GALNT2: variants seen among roughly 807,000 people sequenced by gnomAD.
The protein encoded by GALNT2 is UDP-GalNAc:polypeptide N-acetylgalactosaminyltransferase 2.
In GALNT2, 31 loss-of-function variants were observed where a neutral mutation model predicts 81.4. The observed-to-expected ratio is 0.38, with a 90% confidence interval of 0.29 to 0.51. GALNT2 has a LOEUF of 0.51. Ranked by LOEUF, GALNT2 falls within the 20% of genes least tolerant of loss-of-function variation. The pLI is 0.87. For synonymous variants in GALNT2, 303 were observed against 287.4 expected (o/e 1.05, Z -0.55); for missense variants, 629 against 765.7 (o/e 0.82, Z 2.11).
intron 2 of GALNT2, among the ~76,000 whole-genome samples, chr1:230,182,672 T>G (rs2102689293): frequency 6.6e-6 from 1 of 152,344 alleles, no homozygotes; most frequent in South Asian, 2.1e-4. Flanking sequence ...TTGGTGAATG[T>G]TCCATGTGAG....
intron 10 of GALNT2, 26 bp downstream of exon 10, chr1:230,250,586 A>G: frequency 6.4e-7 from 1 of 1,559,138 alleles, no homozygotes; most frequent in Non-Finnish European, 8.8e-7. Context: ...AAATCTCAGG[A>G]CAGAGAAGTG....
intron 1 of GALNT2, among the ~76,000 whole-genome samples, chr1:230,077,583 A>G (rs911093265): frequency 1.3e-5 from 2 of 152,186 alleles, no homozygotes; most frequent in Admixed American, 6.5e-5. Flanking sequence ...TCGGGCATAG[A>G]TAGATACAAA....
At chr1:230,213,346 T>C (rs1358167522) in intron 3 of GALNT2, among the ~76,000 whole-genome samples, 8 of 152,368 alleles carry the variant, frequency 5.3e-5, no homozygotes, top group Middle Eastern at 6.8e-3. Flanking sequence ...TTTGTGAGTT[T>C]CTGTTATTTT....
chr1:230,136,185 A>T (rs1226226922), intron 1 of GALNT2, among the ~76,000 whole-genome samples: 1 of 152,132 alleles, frequency 6.6e-6, no homozygotes, highest in African/African-American at 2.4e-5. Flanking sequence ...GACAGAGCAG[A>T]GGAAATTTAG....
chr1:230,091,330 T>A (rs1266267719), intron 1 of GALNT2, among the ~76,000 whole-genome samples: 2 of 152,020 alleles, frequency 1.3e-5, no homozygotes, highest in South Asian at 2.1e-4. Flanking sequence ...CACCTTGGCC[T>A]CCCAAAGTGC....
At chr1:230,227,508 C>CAGCTATATATATATATGCTATATAATAT (rs1664750074) in intron 3 of GALNT2, among the ~76,000 whole-genome samples, 1 of 147,666 alleles carries the variant, frequency 6.8e-6, no homozygotes, top group Non-Finnish European at 1.5e-5. Context: ...CTATATAATA[C>CAGCTATATATATATATGCTATATAATAT]AGCTATATAT....
chr1:230,219,394 G>A (rs765583798), intron 3 of GALNT2, among the ~76,000 whole-genome samples: 3 of 152,068 alleles, frequency 2.0e-5, no homozygotes, highest in Middle Eastern at 3.4e-3. Context: ...GTACTGGCGC[G>A]TGGGACCATG....
intron 3 of GALNT2, among the ~76,000 whole-genome samples, chr1:230,213,632 G>C (rs988816861): frequency 3.3e-5 from 5 of 152,156 alleles, no homozygotes; most frequent in Admixed American, 2.6e-4. Flanking sequence ...TTTAATGTAA[G>C]TACTAGTTTA....
chr1:230,231,255 T>G (rs527527498), intron 3 of GALNT2, among the ~76,000 whole-genome samples: 22 of 152,234 alleles, frequency 1.4e-4, no homozygotes, highest in Non-Finnish European at 2.6e-4. Context: ...AGAGTCCTTT[T>G]TCACACGTTT....
In GALNT2 at chr1:230,106,706, T is replaced by G. The variant is rs541280404; in HGVS notation, c.126+39300T>G. Among the ~76,000 whole-genome samples the G allele has an allele frequency of 1.2e-4, 19 of 152,344 alleles. No individual in the cohort carries two copies. In the South Asian group the frequency reaches 3.7e-3, roughly 30 times the overall value. ...ATTAGCCCTAAGCAGCTACACTTGC[T>G]AAGCTCTGTGCTAAGGCTGCAGTAA... is the stretch of plus-strand genomic sequence containing the variant. On this transcript the variant is annotated intron_variant, in intron 1 of 15. Coordinates refer to ENST00000366672, the MANE Select transcript of GALNT2 (RefSeq NM_004481.5).
rs1665361522 is a variant in GALNT2, at chr1:230,246,112, ACTT to A, written c.780_782del (p.Phe261del). On this transcript the variant is annotated inframe_deletion, in exon 8 of 16. Coordinates refer to ENST00000366672, the MANE Select transcript of GALNT2 (RefSeq NM_004481.5). ...ATCATCGATGTCATTAATATGGACA[ACTT>A]TCAGTATGTGGGGGCATCTGCTGAC... 6.2e-7 allele frequency: 1 copy of A among 1,613,848 alleles called. No homozygotes were observed. Among genetic ancestry groups the A allele is most frequent in the African/African-American group, 1.3e-5 (1 of 74,806 alleles).
intron 1 of GALNT2, among the ~76,000 whole-genome samples, chr1:230,068,494 A>G (rs948464065): frequency 6.6e-6 from 1 of 152,208 alleles, no homozygotes; most frequent in African/African-American, 2.4e-5. Flanking sequence ...CCGCAAACCC[A>G]GAAAATTCTG....
chr1:230,193,732 T>C lies in GALNT2; in HGVS notation c.221-9405T>C, dbSNP rs1008200245. ...GTAGTCCCCTGATGACAAAAGCGTC[T>C]TTTTCAAAAAGTTCACTTGAAGATT... On this transcript the variant is annotated intron_variant, in intron 2 of 15. Transcript: ENST00000366672. This position sits in a 1 kb window ranked among gnomAD's most constrained non-coding sequence, Gnocchi z 4.3. Among the ~76,000 whole-genome samples, 1 of 152,224 alleles carries C rather than the reference T, an allele frequency of 6.6e-6. No individual in the cohort carries two copies. The highest frequency in any genetic ancestry group is 1.5e-5 in the Non-Finnish European group (1 of 68,040).
chr1:230,172,834 G>A (rs1662838560), intron 1 of GALNT2, among the ~76,000 whole-genome samples: 1 of 152,120 alleles, frequency 6.6e-6, no homozygotes, highest in African/African-American at 2.4e-5. Flanking sequence ...CACCTATTGG[G>A]TTTACTGCTT....
intron 2 of GALNT2, among the ~76,000 whole-genome samples, chr1:230,195,164 G>A (rs1253893113): frequency 6.6e-6 from 1 of 152,224 alleles, no homozygotes; most frequent in African/African-American, 2.4e-5. Context: ...GGAGGGCACA[G>A]CCAGAACCCG....
chr1:230,089,179 C>T (rs1230110469), intron 1 of GALNT2, among the ~76,000 whole-genome samples: 1 of 149,984 alleles, frequency 6.7e-6, no homozygotes, highest in East Asian at 1.9e-4. Flanking sequence ...GATGGAGTCG[C>T]TCTGTGGCCC....
At chr1:230,122,148 G>A (rs1661036555) in intron 1 of GALNT2, among the ~76,000 whole-genome samples, 1 of 152,022 alleles carries the variant, frequency 6.6e-6, no homozygotes, top group South Asian at 2.1e-4. Flanking sequence ...CTGGGATAAT[G>A]CCATTTTCCT....
In GALNT2 at chr1:230,200,165, C is replaced by T. The variant is rs190621367; in HGVS notation, c.221-2972C>T. 2.8e-4 allele frequency among the ~76,000 whole-genome samples: 42 copies of T among 150,242 alleles called. No individual in the cohort carries two copies. The East Asian group carries it at 6.9e-3, about 25-fold the overall frequency. ...GCAACCTCCGCCTCCCAGGTTCAAA[C>T]GATTCTCCTGCCTCAGCCTCCTGAG... On this transcript the variant is annotated intron_variant, in intron 2 of 15. Transcript: ENST00000366672.
intron 1 of GALNT2, among the ~76,000 whole-genome samples, chr1:230,116,489 A>G (rs1257642960): frequency 6.6e-6 from 1 of 152,154 alleles, no homozygotes; most frequent in South Asian, 2.1e-4. Flanking sequence ...CGGCCTCCCA[A>G]AGTGCTGAGA....
Sources: allele counts gnomAD v4.1 joint callset (sites outside exome capture counted in the v4.1 genomes callset), GRCh38; gene constraint gnomAD v4.1.1; non-coding constraint Gnocchi (gnomAD v3.1); transcripts MANE v1.5; gene names NCBI Gene and HGNC (gene_info 2026-07-23, HGNC 2026-07-21).